The following GPC3 variants were observed in gnomAD, a reference collection of about 807,000 sequenced individuals.
The protein encoded by GPC3 is glypican-3.
A neutral mutation model predicts 34.4 loss-of-function variants in GPC3; 3 were observed. The ratio of observed to expected loss-of-function variants is 0.09; its 90% CI spans 0.04 to 0.23. The LOEUF (loss-of-function observed/expected upper bound fraction) is 0.23. GPC3 is among the 10% of genes least tolerant of loss of function. The pLI is 1.00. For missense variants in GPC3, 351 were observed against 445.6 expected (o/e 0.79, Z 1.91); for synonymous variants, 177 against 174.0 (o/e 1.02, Z -0.13).
intron 2 of GPC3, among the ~76,000 whole-genome samples, chrX:133,841,061 T>G (rs1339292894): frequency 9.6e-6 from 1 of 104,165 alleles, no homozygotes; most frequent in Non-Finnish European, 1.9e-5. Flanking sequence ...CAAAGTTTTA[T>G]TTTTTCTTTT....
At chrX:133,644,907 G>T (rs1470718062) in intron 6 of GPC3, among the ~76,000 whole-genome samples, 1 of 110,461 alleles carries the variant, frequency 9.1e-6, no homozygotes, top group Non-Finnish European at 1.9e-5. Flanking sequence ...CAGCCTCCCA[G>T]GTAGCTGGGA....
chrX:133,709,562 C>T (rs2071249121), intron 3 of GPC3, among the ~76,000 whole-genome samples: 1 of 111,776 alleles, frequency 8.9e-6, no homozygotes, highest in African/African-American at 3.2e-5. Context: ...ATAGTAGCAA[C>T]CGTGCCCATT....
intron 1 of GPC3, among the ~76,000 whole-genome samples, chrX:133,978,255 A>G (rs773139828): frequency 8.9e-6 from 1 of 112,186 alleles, no homozygotes; most frequent in African/African-American, 3.2e-5. Context: ...TTTTAAATGT[A>G]CATTTATGAA....
chrX:133,858,478 G>A (rs948186863), intron 2 of GPC3, among the ~76,000 whole-genome samples: 4 of 111,500 alleles, frequency 3.6e-5, no homozygotes, highest in African/African-American at 1.3e-4. Flanking sequence ...ACCATATTCT[G>A]GCACTCTCAT....
At chrX:133,584,951 A>C (rs886959691) in intron 7 of GPC3, among the ~76,000 whole-genome samples, 7 of 110,970 alleles carry the variant, frequency 6.3e-5, no homozygotes, top group African/African-American at 1.6e-4. Context: ...AAAAAACAAA[A>C]AAACAAAAAA....
At chrX:133,749,110 A>C (rs1185483707) in intron 3 of GPC3, among the ~76,000 whole-genome samples, 1 of 111,260 alleles carries the variant, frequency 9.0e-6, no homozygotes, top group African/African-American at 3.3e-5. Flanking sequence ...AAATACAAAA[A>C]ATTAGCCAGG....
In GPC3 at chrX:133,699,904, C is replaced by A. The variant is rs773847304; in HGVS notation, c.1157G>T (p.Ser386Ile). Residue 386 changes from serine (S) to isoleucine (I), a missense_variant, in exon 4 of 8, where the codon AGC becomes ATC. Ser to Ile is a moderately radical substitution (Grantham distance 142). Coordinates refer to ENST00000370818, the MANE Select transcript of GPC3 (RefSeq NM_004484.4). ...AAAAGAAACCTCTCACCTTCTTCGG[C>A]TGGATAAGGTTTCTTCATGTTCTAC... ...AHVEHEETLS[S>I]RRRELIQKLK... 7.5e-6 allele frequency: 9 copies of A among 1,203,856 alleles called. No individual in the cohort carries two copies. The South Asian group carries it at 1.4e-4, about 19-fold the overall frequency.
At chrX:133,878,155 C>T (rs918273809) in intron 2 of GPC3, among the ~76,000 whole-genome samples, 2 of 111,712 alleles carry the variant, frequency 1.8e-5, no homozygotes, top group Admixed American at 9.5e-5. Flanking sequence ...AGGCCGGGCG[C>T]GGTGGCTCAC....
At chrX:133,981,525 T>C (rs2267530) in intron 1 of GPC3, among the ~76,000 whole-genome samples, 4,251 of 112,134 alleles carry the variant, frequency 0.038, 72 homozygotes, top group East Asian at 0.11. Flanking sequence ...CTGTTCCAAG[T>C]AGCACACAAT....
chrX:133,967,611 T>TTTTG (rs1002637698), intron 1 of GPC3, among the ~76,000 whole-genome samples: 14 of 112,142 alleles, frequency 1.2e-4, no homozygotes, highest in Non-Finnish European at 2.6e-4. Flanking sequence ...TTTTTAGTTT[T>TTTTG]TTTGTTTGTT....
chrX:133,803,978 CCACACACA>C (rs10571712), intron 2 of GPC3, among the ~76,000 whole-genome samples: 15 of 94,285 alleles, frequency 1.6e-4, no homozygotes, highest in African/African-American at 3.1e-4. Flanking sequence ...TGAGATAAAT[CCACACACA>C]CACACACACA....
At chrX:133,915,204 G>A (rs978385704) in intron 2 of GPC3, among the ~76,000 whole-genome samples, 57 of 108,972 alleles carry the variant, frequency 5.2e-4, no homozygotes, top group South Asian at 4.0e-4. Flanking sequence ...ATGGAGGTTC[G>A]CTCTTGTTGC....
At chrX:133,954,404 C>T (rs1359998490) in intron 1 of GPC3, among the ~76,000 whole-genome samples, 1 of 112,104 alleles carries the variant, frequency 8.9e-6, no homozygotes, top group Non-Finnish European at 1.9e-5. Context: ...GACGGAGTCT[C>T]ACTCTCATTG....
intron 2 of GPC3, among the ~76,000 whole-genome samples, chrX:133,842,817 A>G (rs1001663913): frequency 1.3e-4 from 15 of 111,176 alleles, no homozygotes; most frequent in African/African-American, 2.3e-4. Flanking sequence ...ATGGTCCCCA[A>G]TGATGCACAC....
chrX:133,561,959 A>AT (rs1177698520), intron 7 of GPC3, among the ~76,000 whole-genome samples: 1 of 112,278 alleles, frequency 8.9e-6, no homozygotes, highest in Non-Finnish European at 1.9e-5. Flanking sequence ...GAATGAATGC[A>AT]TTTTCCATTA....
chrX:133,821,055 G>A lies in GPC3; in HGVS notation c.338-66879C>T, dbSNP rs752894556. On this transcript the variant is annotated intron_variant, in intron 2 of 7. Transcript: ENST00000370818. ...TGTGCCGAAAAGCCAAAGGATGAAA[G>A]TCTTCAAGTGTATACAAAGTGATCT... is the stretch of plus-strand genomic sequence containing the variant. Among the ~76,000 whole-genome samples, 16 of 112,230 alleles carry A rather than the reference G, an allele frequency of 1.4e-4. No individual in the cohort carries two copies. The South Asian group carries it at 5.9e-3, about 42-fold the overall frequency.
intron 7 of GPC3, among the ~76,000 whole-genome samples, chrX:133,588,532 A>G (rs1440243727): frequency 9.0e-6 from 1 of 111,000 alleles, no homozygotes; most frequent in African/African-American, 3.3e-5. Flanking sequence ...TAAATTTCCA[A>G]TGACCCTTTT....
chrX:133,966,071 T>G (rs1222171861), intron 1 of GPC3, among the ~76,000 whole-genome samples: 2 of 111,891 alleles, frequency 1.8e-5, no homozygotes, highest in African/African-American at 6.5e-5. Context: ...TCCCATATAA[T>G]AAGAAGGAAA....
At chrX:133,831,931 C>T (rs775812726) in intron 2 of GPC3, among the ~76,000 whole-genome samples, 15 of 111,705 alleles carry the variant, frequency 1.3e-4, no homozygotes, top group Non-Finnish European at 2.1e-4. Flanking sequence ...GTAAATACCA[C>T]CATTTCCCCC....
Sources: gnomAD v4.1 joint callset for allele counts (sites outside exome capture counted in the v4.1 genomes callset) on GRCh38, gnomAD v4.1.1 for gene constraint, MANE v1.5 for transcripts, NCBI Gene and HGNC (gene_info 2026-07-23, HGNC 2026-07-21) for gene names.